The following MACROD2 variants were observed in gnomAD, a reference collection of about 807,000 sequenced individuals.
The protein encoded by MACROD2 is ADP-ribose glycohydrolase MACROD2.
MACROD2 carries 36 observed loss-of-function variants against 70.4 expected under a neutral mutation model. That is an observed-to-expected ratio of 0.51 (90% CI 0.39 to 0.68). MACROD2 has a LOEUF of 0.68. Ranked by LOEUF, MACROD2 falls within the 30% of genes least tolerant of loss-of-function variation. The pLI is 0.00. For synonymous variants in MACROD2, 172 were observed against 178.8 expected (o/e 0.96, Z 0.30); for missense variants, 496 against 538.4 (o/e 0.92, Z 0.78).
intron 4 of MACROD2, among the ~76,000 whole-genome samples, chr20:14,591,583 A>G (rs2123378525): frequency 6.6e-6 from 1 of 152,340 alleles, no homozygotes; most frequent in East Asian, 1.9e-4. Flanking sequence ...TGAACTGGAC[A>G]TTACTACCCC....
rs185316646 is a variant in MACROD2 at position 15,613,683 on chromosome 20, G to A, written c.645+113836G>A. On this transcript the variant is annotated intron_variant, in intron 8 of 17. Transcript: ENST00000684519. ...CTTCCAGAAGTTAATCTGGCATAAG[G>A]CCACTTGGCTGGGATTCGAATCCAG... 5.9e-5 allele frequency among the ~76,000 whole-genome samples: 9 copies of A among 152,316 alleles called. No homozygotes were observed. In the East Asian group the frequency reaches 1.7e-3, roughly 29 times the overall value.
chr20:15,495,784 A>G (rs545730323), intron 7 of MACROD2, among the ~76,000 whole-genome samples: 1 of 152,358 alleles, frequency 6.6e-6, no homozygotes, highest in East Asian at 1.9e-4. Context: ...TGCAACTGTG[A>G]TGGGTCTGTG....
chr20:15,107,847 G>T (rs1273480198), intron 5 of MACROD2, among the ~76,000 whole-genome samples: 2 of 152,150 alleles, frequency 1.3e-5, no homozygotes, highest in Middle Eastern at 3.4e-3. Context: ...AGCTACAGAT[G>T]AACAAATGGA....
chr20:15,385,366 T>C (rs1206799808), intron 6 of MACROD2, among the ~76,000 whole-genome samples: 3 of 152,190 alleles, frequency 2.0e-5, no homozygotes, highest in African/African-American at 7.2e-5. Context: ...CCATTTGTCT[T>C]TAGCAGGAAA....
intron 3 of MACROD2, among the ~76,000 whole-genome samples, chr20:14,231,024 G>C (rs1453003678): frequency 3.3e-5 from 5 of 151,256 alleles, no homozygotes; most frequent in African/African-American, 1.2e-4. Context: ...AGTCTCAATA[G>C]TAATCTTAAA....
intron 3 of MACROD2, among the ~76,000 whole-genome samples, chr20:14,428,999 A>G (rs990341773): frequency 4.6e-5 from 7 of 152,160 alleles, no homozygotes; most frequent in African/African-American, 1.7e-4. Context: ...CTCTAAATTT[A>G]GGACTGATAC....
At chr20:15,217,424 G>T (rs972722012) in intron 5 of MACROD2, among the ~76,000 whole-genome samples, 2 of 152,106 alleles carry the variant, frequency 1.3e-5, no homozygotes, top group African/African-American at 4.8e-5. Flanking sequence ...AAAGTAATTT[G>T]CCCCAGTTCA....
chr20:15,891,892 C>T (rs1490977304), intron 10 of MACROD2, among the ~76,000 whole-genome samples: 1 of 152,082 alleles, frequency 6.6e-6, no homozygotes, highest in African/African-American at 2.4e-5. Flanking sequence ...ATTATTAGTG[C>T]TGTGAAGTGT....
At chr20:15,276,504 A>G (rs1357855888) in intron 6 of MACROD2, among the ~76,000 whole-genome samples, 6 of 152,182 alleles carry the variant, frequency 3.9e-5, no homozygotes, top group African/African-American at 1.2e-4. Flanking sequence ...TTTCCAAATG[A>G]CCAAGATTGA....
At chr20:14,297,823 A>G (rs934250962) in intron 3 of MACROD2, among the ~76,000 whole-genome samples, 6 of 151,958 alleles carry the variant, frequency 3.9e-5, no homozygotes, top group Non-Finnish European at 8.8e-5. Flanking sequence ...CTATTGGAAG[A>G]AGCTGCCATC....
intron 13 of MACROD2, among the ~76,000 whole-genome samples, chr20:15,984,540 T>C (rs1050904841): frequency 1.3e-5 from 2 of 152,182 alleles, no homozygotes; most frequent in Non-Finnish European, 2.9e-5. Context: ...CTTAACTTTT[T>C]GACTTATTAC....
At chr20:14,032,661 T>C (rs1391456613) in intron 2 of MACROD2, among the ~76,000 whole-genome samples, 2 of 152,164 alleles carry the variant, frequency 1.3e-5, no homozygotes, top group Non-Finnish European at 2.9e-5. Flanking sequence ...GTTAACAGTA[T>C]TTTTAAGTTT....
intron 3 of MACROD2, among the ~76,000 whole-genome samples, chr20:14,265,012 G>T (rs2082132458): frequency 6.6e-6 from 1 of 152,186 alleles, no homozygotes; most frequent in Non-Finnish European, 1.5e-5. Context: ...GTTTTGGAGG[G>T]CCCCTGTGTT....
At chr20:14,901,290 G>A (rs1005888787) in intron 5 of MACROD2, among the ~76,000 whole-genome samples, 6 of 152,172 alleles carry the variant, frequency 3.9e-5, no homozygotes, top group Admixed American at 6.5e-5. Flanking sequence ...AAAAGCTATA[G>A]AGTGCCTATA....
At chr20:14,789,098 T>C (rs1307967492) in intron 5 of MACROD2, among the ~76,000 whole-genome samples, 3 of 152,032 alleles carry the variant, frequency 2.0e-5, no homozygotes, top group African/African-American at 7.3e-5. Context: ...GTATCCTTGC[T>C]GTAATTTTTC....
At chr20:15,423,179 C>T (rs990625717) in intron 6 of MACROD2, among the ~76,000 whole-genome samples, 1 of 152,168 alleles carries the variant, frequency 6.6e-6, no homozygotes, top group Non-Finnish European at 1.5e-5. Context: ...GTAAGCATTT[C>T]TTGCTTACAT....
chr20:14,946,362 A>T (rs908185092), intron 5 of MACROD2, among the ~76,000 whole-genome samples: 3 of 152,200 alleles, frequency 2.0e-5, no homozygotes, highest in Non-Finnish European at 4.4e-5. Context: ...TCTAAATACC[A>T]ATAATATATG....
intron 8 of MACROD2, among the ~76,000 whole-genome samples, chr20:15,685,370 C>T (rs895969799): frequency 2.0e-5 from 3 of 152,086 alleles, no homozygotes; most frequent in East Asian, 1.9e-4. Context: ...ACTAGCACTT[C>T]GAAAGAACAT....
intron 9 of MACROD2, among the ~76,000 whole-genome samples, chr20:15,876,109 A>ATATATATATATATATG (rs57817982): frequency 2.6e-4 from 32 of 124,402 alleles, no homozygotes; most frequent in East Asian, 1.1e-3. Flanking sequence ...ATATATATAT[A>ATATATATATATATATG]TATGTGTGTA....
Sources: allele counts gnomAD v4.1 joint callset (sites outside exome capture counted in the v4.1 genomes callset), GRCh38; gene constraint gnomAD v4.1.1; transcripts MANE v1.5; gene names NCBI Gene and HGNC (gene_info 2026-07-23, HGNC 2026-07-21).